Variants in KIAA1217 observed in about 807,000 individuals in gnomAD.
KIAA1217 encodes the protein KIAA1217, also known as sickle tail protein homolog.
KIAA1217 carries 88 observed loss-of-function variants against 163.9 expected under a neutral mutation model. That is an observed-to-expected ratio of 0.54 (90% CI 0.45 to 0.64). KIAA1217 has a LOEUF of 0.64. KIAA1217 is among the 30% of genes least tolerant of loss of function. The pLI, the probability that KIAA1217 is intolerant of heterozygous loss-of-function variation, is 0.00. For missense variants in KIAA1217, 2,372 were observed against 2,475.0 expected, an observed-to-expected ratio of 0.96 and a Z score of 0.88; for synonymous variants, 903 against 923.1, an observed-to-expected ratio of 0.98 and a Z score of 0.39.
chr10:24,374,197 A>G (rs914185540), intron 2 of KIAA1217, among the ~76,000 whole-genome samples: 4 of 152,230 alleles, frequency 2.6e-5, no homozygotes, highest in African/African-American at 7.2e-5. Flanking sequence ...AGAAATACTA[A>G]TTATCAGACC....
chr10:24,265,977 T>G (rs780303055), intron 2 of KIAA1217, among the ~76,000 whole-genome samples: 4 of 151,156 alleles, frequency 2.6e-5, no homozygotes, highest in African/African-American at 7.3e-5. Flanking sequence ...GGGAAAGAAA[T>G]AAAATTCCAA....
chr10:23,905,285 A>G (rs1842114661), intron 1 of KIAA1217, among the ~76,000 whole-genome samples: 1 of 151,732 alleles, frequency 6.6e-6, no homozygotes, highest in Non-Finnish European at 1.5e-5. Context: ...GGGTATGAGC[A>G]GTGAGTCTAG....
intron 2 of KIAA1217, among the ~76,000 whole-genome samples, chr10:24,377,547 GT>G (rs2134693972): frequency 6.6e-6 from 1 of 152,194 alleles, no homozygotes; most frequent in African/African-American, 2.4e-5. Flanking sequence ...CTGAAATTGT[GT>G]TTGCTTCCCC....
intron 2 of KIAA1217, among the ~76,000 whole-genome samples, chr10:24,306,221 C>T (rs1340218974): frequency 6.6e-6 from 1 of 152,014 alleles, no homozygotes; most frequent in Middle Eastern, 3.2e-3. Context: ...CTGTTAATAC[C>T]CACAGCAACC....
intron 1 of KIAA1217, among the ~76,000 whole-genome samples, chr10:23,719,682 G>A (rs1047676685): frequency 6.6e-6 from 1 of 152,054 alleles, no homozygotes; most frequent in South Asian, 2.1e-4. Context: ...ACTTTGGGAG[G>A]CCAAGGCAGG....
chr10:24,483,565 A>T (rs2064976849), intron 6 of KIAA1217, among the ~76,000 whole-genome samples: 3 of 152,196 alleles, frequency 2.0e-5, no homozygotes, highest in Non-Finnish European at 4.4e-5. Flanking sequence ...CCTAAGAGTC[A>T]TTATTTTATT....
chr10:24,041,519 C>A (rs1347742230), intron 2 of KIAA1217, among the ~76,000 whole-genome samples: 2 of 152,162 alleles, frequency 1.3e-5, no homozygotes, highest in East Asian at 3.9e-4. Context: ...CTCTGATGCA[C>A]ACACATATGC....
chr10:24,158,631 C>A (rs2064985171), intron 2 of KIAA1217: 1 of 510,002 alleles, frequency 2.0e-6, no homozygotes, highest in South Asian at 1.5e-5. Flanking sequence ...CACCACCAAT[C>A]AAAACTTTAG....
At chr10:23,989,371 A>AT (rs1025471497) in intron 1 of KIAA1217, among the ~76,000 whole-genome samples, 2 of 152,306 alleles carry the variant, frequency 1.3e-5, no homozygotes, top group African/African-American at 2.4e-5. Context: ...AAAACTATGT[A>AT]TTTTTTTATG....
chr10:24,255,247 G>A, intron 2 of KIAA1217: 1 of 269,726 alleles, frequency 3.7e-6, no homozygotes, highest in Non-Finnish European at 7.4e-6. Context: ...CATTGTTAGT[G>A]TCCACATCCG....
chr10:24,003,786 C>T (rs1400872775), intron 1 of KIAA1217, among the ~76,000 whole-genome samples: 1 of 152,180 alleles, frequency 6.6e-6, no homozygotes, highest in Non-Finnish European at 1.5e-5. Context: ...AGTAGTCAAA[C>T]AGGAAAATTG....
intron 2 of KIAA1217, among the ~76,000 whole-genome samples, chr10:24,109,216 AAAAC>A (rs1446058236): frequency 6.6e-6 from 1 of 152,198 alleles, no homozygotes; most frequent in Non-Finnish European, 1.5e-5. Context: ...GAGTAACAAC[AAAAC>A]AAACAAACGA....
At chr10:24,146,471 T>C (rs528059635) in intron 2 of KIAA1217, among the ~76,000 whole-genome samples, 15 of 152,238 alleles carry the variant, frequency 9.9e-5, no homozygotes, top group South Asian at 2.1e-4. Context: ...AAGACCCTGA[T>C]TGAAATGTCC....
intron 8 of KIAA1217, among the ~76,000 whole-genome samples, chr10:24,497,338 A>C (rs2133855453): frequency 6.6e-6 from 1 of 152,300 alleles, no homozygotes; most frequent in South Asian, 2.1e-4. Context: ...CATTTAACAC[A>C]CAAAACCCTA....
chr10:23,775,965 T>C (rs1834992295), intron 1 of KIAA1217, among the ~76,000 whole-genome samples: 1 of 152,198 alleles, frequency 6.6e-6, no homozygotes, highest in Non-Finnish European at 1.5e-5. Flanking sequence ...AATTATCCCA[T>C]AAACGTATCA....
Position 23,876,544 on chromosome 10 carries a change from C to T in KIAA1217, c.-320-130681C>T, listed in dbSNP as rs76925091. On this transcript the variant is annotated intron_variant, in intron 1 of 18. Transcript: ENST00000376462. ...ATGCACCTCCAGTTTTATATGGTAC[C>T]GTAGTGGATATAAAGCATGATTTAT... Among the ~76,000 whole-genome samples the T allele has an allele frequency of 6.6e-5, 10 of 151,502 alleles. No individual in the cohort carries two copies. In the South Asian group the frequency reaches 1.0e-3, roughly 16 times the overall value.
At chr10:24,505,754 G>A (rs1272812380) in intron 9 of KIAA1217, among the ~76,000 whole-genome samples, 1 of 152,040 alleles carries the variant, frequency 6.6e-6, no homozygotes, top group Non-Finnish European at 1.5e-5. Flanking sequence ...AGAATTTACT[G>A]TCCCTTCCCA....
In KIAA1217 at chr10:24,304,139, T is replaced by TC. The variant is rs2041713472; in HGVS notation, c.355-76730_355-76729insC. On this transcript the variant is annotated intron_variant, in intron 2 of 20. Transcript: ENST00000376454. ...GTGTGAATCCTCCACATTTTTTTTT[T>TC]TTTTTGCATGGAAAAGTGTTTCAGT... 9.2e-5 allele frequency among the ~76,000 whole-genome samples: 14 copies of TC among 152,050 alleles called. No homozygotes were observed. In the South Asian group the frequency reaches 2.9e-3, roughly 32 times the overall value.
chr10:24,233,064 G>A (rs894022795), intron 2 of KIAA1217, among the ~76,000 whole-genome samples: 1 of 151,792 alleles, frequency 6.6e-6, no homozygotes, highest in Non-Finnish European at 1.5e-5. Context: ...AGTCAAGGCT[G>A]CAGTGAGTCA....
Sources: allele counts gnomAD v4.1 joint callset (sites outside exome capture counted in the v4.1 genomes callset), GRCh38; gene constraint gnomAD v4.1.1; transcripts MANE v1.5; gene names NCBI Gene and HGNC (gene_info 2026-07-23, HGNC 2026-07-21).